ELAVL3: variants seen among roughly 807,000 people sequenced by gnomAD.
ELAVL3 encodes ELAV-like protein 3.
Under a neutral mutation model 34.2 loss-of-function variants are expected in ELAVL3, and 8 were observed. That is an observed-to-expected ratio of 0.23 (90% CI 0.14 to 0.42). The LOEUF (loss-of-function observed/expected upper bound fraction) is 0.42, where lower values mean the gene tolerates loss of function less well. ELAVL3 is among the 10% of genes least tolerant of loss of function. The pLI is 1.00. For synonymous variants in ELAVL3, 209 were observed against 222.1 expected (o/e 0.94, Z 0.53); for missense variants, 273 against 518.8 (o/e 0.53, Z 4.60).
At chr19:11,473,935 A>G (rs924989072) in intron 1 of ELAVL3, among the ~76,000 whole-genome samples, 5 of 152,228 alleles carry the variant, frequency 3.3e-5, no homozygotes, top group Admixed American at 3.3e-4. Flanking sequence ...GCTGTAAAGC[A>G]TCTGGAATTG....
intron 1 of ELAVL3, among the ~76,000 whole-genome samples, chr19:11,475,267 G>A (rs980070389): frequency 1.3e-5 from 2 of 152,204 alleles, no homozygotes; most frequent in African/African-American, 4.8e-5. Context: ...TTTTACAGGT[G>A]ACAAAAGTGA....
chr19:11,468,694 G>C (rs1971104773), intron 1 of ELAVL3, among the ~76,000 whole-genome samples: 1 of 152,118 alleles, frequency 6.6e-6, no homozygotes, highest in East Asian at 1.9e-4. Context: ...CCAAAGTGCT[G>C]GGATTACAGG....
chr19:11,467,774 G>A (rs939218280), intron 1 of ELAVL3, among the ~76,000 whole-genome samples: 5 of 146,724 alleles, frequency 3.4e-5, no homozygotes, highest in South Asian at 2.2e-4. Context: ...GTGAACCACC[G>A]CGTCTGGCCC....
At position 11,464,157 on chromosome 19, in the gene ELAVL3, A is replaced by C. The variant is rs1195792122; in HGVS notation, c.333+2015T>G. On this transcript the variant is annotated intron_variant, in intron 3 of 6. Transcript: ENST00000359227. ...TCTCTCTCTCTCTCTCTCTCTATAT[A>C]TATATATATATTTTTTTTTTTTTTA... Among the ~76,000 whole-genome samples the C allele has an allele frequency of 1.6e-3, 163 of 100,432 alleles. 2 individuals carry two copies. The highest frequency in any genetic ancestry group is 9.8e-3 in the African/African-American group (146 of 14,888). The allele number at this position is 100,432 out of a possible 152,430, so 65.9% of individuals were successfully genotyped here. A position where few individuals can be genotyped will look rare whatever the true frequency, so the allele number is the denominator to read the frequency against.
chr19:11,459,127 C>CTT (rs774008466), intron 3 of ELAVL3, among the ~76,000 whole-genome samples: 4 of 123,722 alleles, frequency 3.2e-5, no homozygotes, highest in East Asian at 2.4e-4. Context: ...TTTTTTTTTT[C>CTT]TTTTTTTTTT....
At chr19:11,463,170 T>A (rs1970927656) in intron 3 of ELAVL3, among the ~76,000 whole-genome samples, 1 of 152,048 alleles carries the variant, frequency 6.6e-6, no homozygotes, top group Non-Finnish European at 1.5e-5. Flanking sequence ...TTCACAGGCC[T>A]TTTCCATCCC....
rs1970704617 is a variant in ELAVL3, at chr19:11,453,733, T to C, written c.*793A>G. 2.0e-5 allele frequency: 3 copies of C among 153,030 alleles called. No homozygotes were observed. The Admixed American group carries it at 2.0e-4, about 10-fold the overall frequency. 9.5% of individuals were successfully genotyped at this position (153,030 alleles called of 1,614,324 possible). A position where few individuals can be genotyped will look rare whatever the true frequency, so the allele number is the denominator to read the frequency against. ...GTGGTGTGACTGTCTGCGTGGTTGT[T>C]TCTCTGTGTGGCCCCGTGGGCTGCT... On this transcript the variant is annotated 3_prime_UTR_variant, in exon 7 of 7. Coordinates refer to ENST00000359227, the MANE Select transcript of ELAVL3 (RefSeq NM_001420.4).
chr19:11,478,191 G>C (rs1023885937), intron 1 of ELAVL3, among the ~76,000 whole-genome samples: 1 of 152,140 alleles, frequency 6.6e-6, no homozygotes. Context: ...CCCTAGAGCC[G>C]AAAGAGTTAC....
chr19:11,465,783 G>C (rs1971041066), intron 3 of ELAVL3, among the ~76,000 whole-genome samples: 1 of 151,872 alleles, frequency 6.6e-6, no homozygotes, highest in Non-Finnish European at 1.5e-5. Context: ...TGGGGGATGG[G>C]CCGCCCCAAT....
chr19:11,465,228 TACAC>T (rs1444079734), intron 3 of ELAVL3, among the ~76,000 whole-genome samples: 3 of 77,214 alleles, frequency 3.9e-5, no homozygotes, highest in South Asian at 4.3e-4. Context: ...ACCACACACA[TACAC>T]ACCGCACACC....
At chr19:11,471,989 G>A (rs184340653) in intron 1 of ELAVL3, among the ~76,000 whole-genome samples, 2 of 152,316 alleles carry the variant, frequency 1.3e-5, no homozygotes, top group Admixed American at 1.3e-4. Context: ...AGGTCAAGTA[G>A]CCAGCATTTC....
chr19:11,463,693 C>T (rs540541479), intron 3 of ELAVL3, among the ~76,000 whole-genome samples: 4 of 152,140 alleles, frequency 2.6e-5, no homozygotes, highest in Middle Eastern at 3.4e-3. Context: ...CATCCTGGGC[C>T]GGGTGCGGTG....
At chr19:11,455,514 C>T (rs958961037) in intron 6 of ELAVL3, among the ~76,000 whole-genome samples, 3 of 151,690 alleles carry the variant, frequency 2.0e-5, no homozygotes, top group Non-Finnish European at 4.4e-5. Flanking sequence ...CTCGAACTCC[C>T]GACCTCAGGT....
At chr19:11,457,910 T>C in intron 5 of ELAVL3, 151 bp downstream of exon 5, 2 of 747,742 alleles carry the variant, frequency 2.7e-6, no homozygotes, top group Non-Finnish European at 2.2e-6. Flanking sequence ...TGTATATGAG[T>C]GGCTGGCCTT....
At chr19:11,465,061 A>C (rs1297300435) in intron 3 of ELAVL3, among the ~76,000 whole-genome samples, 1 of 111,602 alleles carries the variant, frequency 9.0e-6, no homozygotes, top group African/African-American at 3.4e-5. Flanking sequence ...ACACATACAC[A>C]CATCCCACAC....
chr19:11,465,401 C>T (rs574833578), intron 3 of ELAVL3, among the ~76,000 whole-genome samples: 3 of 152,162 alleles, frequency 2.0e-5, no homozygotes, highest in South Asian at 2.1e-4. Context: ...CACACATACA[C>T]GCTGCATCTC....
At chr19:11,457,945 GCTCCCATGTGTGCGCACC>G in intron 5 of ELAVL3, 98 bp downstream of exon 5, 9 of 1,097,556 alleles carry the variant, frequency 8.2e-6, no homozygotes, top group Non-Finnish European at 1.2e-5. Flanking sequence ...AGGCTCCTTG[GCTCCCATGTGTGCGCACC>G]CTCCCGGCAT....
At chr19:11,469,034 G>A (rs888656613) in intron 1 of ELAVL3, among the ~76,000 whole-genome samples, 2 of 151,924 alleles carry the variant, frequency 1.3e-5, no homozygotes, top group African/African-American at 4.8e-5. Flanking sequence ...ATCCTCCCAC[G>A]TCAGCCTCCC....
chr19:11,475,369 T>C (rs1971243344), intron 1 of ELAVL3, among the ~76,000 whole-genome samples: 1 of 152,212 alleles, frequency 6.6e-6, no homozygotes, highest in African/African-American at 2.4e-5. Flanking sequence ...CTTGTCTCGC[T>C]ATGTTGCCCA....
Sources: gnomAD v4.1 joint callset for allele counts (sites outside exome capture counted in the v4.1 genomes callset) on GRCh38, gnomAD v4.1.1 for gene constraint, MANE v1.5 for transcripts, NCBI Gene and HGNC (gene_info 2026-07-23, HGNC 2026-07-21) for gene names.